Variants in ARHGAP10 observed in about 807,000 individuals in gnomAD.
ARHGAP10 encodes Rho GTPase activating protein 10.
Under a neutral mutation model 108.6 loss-of-function variants are expected in ARHGAP10, and 87 were observed. The ratio of observed to expected loss-of-function variants is 0.80; its 90% CI spans 0.67 to 0.96. The LOEUF (loss-of-function observed/expected upper bound fraction) is 0.96. ARHGAP10 is among the 40% of genes least tolerant of loss of function. The pLI, the probability that ARHGAP10 is intolerant of heterozygous loss-of-function variation, is 0.00. For missense variants in ARHGAP10, 939 were observed against 954.5 expected (o/e 0.98, Z 0.21); for synonymous variants, 347 against 341.1 (o/e 1.02, Z -0.19).
At chr4:147,863,242 T>A (rs1168613934) in intron 5 of ARHGAP10, 1 of 152,218 alleles carries the variant, frequency 6.6e-6, no homozygotes, top group African/African-American at 2.4e-5. Context: ...CTATTAACAA[T>A]AACTCTCCAT....
chr4:147,956,492 AAAG>A (rs1475679861), intron 16 of ARHGAP10, among the ~76,000 whole-genome samples: 2 of 152,178 alleles, frequency 1.3e-5, no homozygotes, highest in Non-Finnish European at 2.9e-5. Context: ...ATTTTTTAAA[AAAG>A]AGAATTTGTG....
At chr4:147,847,807 C>T (rs1014379526) in intron 4 of ARHGAP10, among the ~76,000 whole-genome samples, 5 of 152,224 alleles carry the variant, frequency 3.3e-5, no homozygotes, top group Non-Finnish European at 7.4e-5. Context: ...GGGATTTAAC[C>T]GTGATTTCCA....
chr4:147,921,611 G>A (rs1737235263), intron 13 of ARHGAP10, among the ~76,000 whole-genome samples: 1 of 152,126 alleles, frequency 6.6e-6, no homozygotes, highest in Admixed American at 6.5e-5. Flanking sequence ...TGAGGTTGAG[G>A]GAAGAAATAA....
At chr4:148,051,837 G>A (rs1389591319) in intron 20 of ARHGAP10, among the ~76,000 whole-genome samples, 5 of 152,168 alleles carry the variant, frequency 3.3e-5, no homozygotes, top group Non-Finnish European at 7.3e-5. Context: ...CCTTGTGCAT[G>A]TCATCATATA....
At chr4:148,032,385 T>A (rs1420878826) in intron 19 of ARHGAP10, among the ~76,000 whole-genome samples, 1 of 134,990 alleles carries the variant, frequency 7.4e-6, no homozygotes, top group African/African-American at 2.8e-5. Flanking sequence ...GAGAATTTCA[T>A]GTAGTTCAAC....
chr4:147,969,880 A>C (rs974747349), intron 18 of ARHGAP10, among the ~76,000 whole-genome samples: 5 of 152,170 alleles, frequency 3.3e-5, no homozygotes, highest in African/African-American at 1.2e-4. Flanking sequence ...AACCAACGTT[A>C]ATTAAGTGCT....
At chr4:147,805,554 T>G (rs1731748132) in intron 1 of ARHGAP10, among the ~76,000 whole-genome samples, 1 of 152,222 alleles carries the variant, frequency 6.6e-6, no homozygotes, top group Non-Finnish European at 1.5e-5. Flanking sequence ...TGTAAATTGC[T>G]TTGGGCAATA....
intron 18 of ARHGAP10, among the ~76,000 whole-genome samples, chr4:147,975,039 C>T (rs1450767108): frequency 6.6e-6 from 1 of 152,154 alleles, no homozygotes; most frequent in Non-Finnish European, 1.5e-5. Flanking sequence ...GGGGACACAG[C>T]CAAACCATAT....
intron 18 of ARHGAP10, among the ~76,000 whole-genome samples, chr4:148,022,178 G>A (rs1207491566): frequency 2.0e-5 from 3 of 152,240 alleles, no homozygotes; most frequent in South Asian, 2.1e-4. Context: ...TGTGCAGAAC[G>A]TGCAGGTTCT....
At chr4:147,800,658 T>C (rs1346864896) in intron 1 of ARHGAP10, among the ~76,000 whole-genome samples, 1 of 152,158 alleles carries the variant, frequency 6.6e-6, no homozygotes, top group African/African-American at 2.4e-5. Flanking sequence ...TCTTCCATTT[T>C]TGGGGTCACA....
At chr4:147,994,375 G>C (rs956568347) in intron 18 of ARHGAP10, among the ~76,000 whole-genome samples, 3 of 152,008 alleles carry the variant, frequency 2.0e-5, no homozygotes, top group African/African-American at 7.3e-5. Flanking sequence ...GAAAGTTCTT[G>C]TTAATCCTTG....
At chr4:147,845,039 T>C (rs1442395821) in intron 3 of ARHGAP10, among the ~76,000 whole-genome samples, 1 of 152,210 alleles carries the variant, frequency 6.6e-6, no homozygotes, top group Non-Finnish European at 1.5e-5. Flanking sequence ...TCATTGCTCC[T>C]TACGCTTCAG....
chr4:147,965,802 T>C (rs1166473755), intron 17 of ARHGAP10, among the ~76,000 whole-genome samples: 1 of 152,168 alleles, frequency 6.6e-6, no homozygotes, highest in Non-Finnish European at 1.5e-5. Flanking sequence ...TTGAATAAAA[T>C]AGTCTAAGTC....
At chr4:147,948,828 T>G (rs1738484735) in intron 15 of ARHGAP10, among the ~76,000 whole-genome samples, 1 of 150,220 alleles carries the variant, frequency 6.7e-6, no homozygotes, top group Non-Finnish European at 1.5e-5. Context: ...TTAGCCGGCA[T>G]GGTGGTGGGC....
chr4:147,810,969 G>A (rs752209644), intron 1 of ARHGAP10, among the ~76,000 whole-genome samples: 12 of 152,160 alleles, frequency 7.9e-5, no homozygotes, highest in Non-Finnish European at 1.6e-4. Context: ...GTTTCCCTTC[G>A]GGGACAAGTT....
intron 18 of ARHGAP10, among the ~76,000 whole-genome samples, chr4:147,998,955 C>T (rs1050140966): frequency 2.0e-5 from 3 of 152,084 alleles, no homozygotes; most frequent in South Asian, 2.1e-4. Context: ...GAGAGGGAAA[C>T]GAGGTGGTAT....
intron 18 of ARHGAP10, among the ~76,000 whole-genome samples, chr4:147,989,187 GGGGA>G (rs1223997714): frequency 6.6e-6 from 1 of 152,234 alleles, no homozygotes; most frequent in East Asian, 1.9e-4. Context: ...AGTTTCAAAA[GGGGA>G]GGGAGTATAC....
intron 1 of ARHGAP10, among the ~76,000 whole-genome samples, chr4:147,740,225 G>A (rs1281587201): frequency 2.0e-5 from 3 of 148,456 alleles, no homozygotes; most frequent in Admixed American, 6.7e-5. Flanking sequence ...GCCTGGCTAC[G>A]TTTTGTATTT....
At chr4:148,052,403 T>C (rs1314345786) in intron 20 of ARHGAP10, among the ~76,000 whole-genome samples, 7 of 148,752 alleles carry the variant, frequency 4.7e-5, no homozygotes, top group Non-Finnish European at 7.5e-5. Flanking sequence ...TTTTTTTTTT[T>C]TTTTTTTTTG....
Sources: gnomAD v4.1 joint callset for allele counts (sites outside exome capture counted in the v4.1 genomes callset) on GRCh38, gnomAD v4.1.1 for gene constraint, MANE v1.5 for transcripts, NCBI Gene and HGNC (gene_info 2026-07-23, HGNC 2026-07-21) for gene names.